GIT2: variants seen among roughly 807,000 people sequenced by gnomAD.
GIT2 encodes ARF GTPase-activating protein GIT2.
In GIT2, 32 loss-of-function variants were observed where a neutral mutation model predicts 100.3. That is an observed-to-expected ratio of 0.32 (90% CI 0.24 to 0.43). GIT2 has a LOEUF of 0.43. Ranked by LOEUF, GIT2 falls within the 20% of genes least tolerant of loss-of-function variation. GIT2 has a pLI of 1.00. For missense variants in GIT2, 737 were observed against 975.1 expected (o/e 0.76, Z 3.25); for synonymous variants, 353 against 364.1 (o/e 0.97, Z 0.35).
At chr12:109,944,350 C>T (rs543906540) in intron 16 of GIT2, among the ~76,000 whole-genome samples, 22 of 152,348 alleles carry the variant, frequency 1.4e-4, no homozygotes, top group African/African-American at 5.3e-4. Context: ...CAGCCACCTT[C>T]CTCCTCTTAC....
At chr12:109,941,198 C>T (rs762113960) in intron 16 of GIT2, among the ~76,000 whole-genome samples, 3 of 152,312 alleles carry the variant, frequency 2.0e-5, no homozygotes, top group East Asian at 1.9e-4. Flanking sequence ...ACTATGAACT[C>T]GTGCATCCTG....
chr12:109,989,145 G>T, intron 3 of GIT2, 77 bp from the exon 4 acceptor site: 4 of 908,848 alleles, frequency 4.4e-6, no homozygotes, highest in Non-Finnish European at 7.3e-6. Context: ...GTAAAAAGAA[G>T]AGGAAGTGAC....
At chr12:109,988,025 C>T (rs1241590738) in intron 4 of GIT2, among the ~76,000 whole-genome samples, 1 of 152,142 alleles carries the variant, frequency 6.6e-6, no homozygotes, top group Non-Finnish European at 1.5e-5. Flanking sequence ...AAGTCCCCTT[C>T]CTTTAGTACT....
In GIT2 at chr12:109,962,813, G is replaced by A. The variant is rs1183753271; in HGVS notation, c.817-1128C>T. Among the ~76,000 whole-genome samples the A allele has an allele frequency of 6.6e-6, 1 of 152,206 alleles. No individual in the cohort carries two copies. Among genetic ancestry groups the A allele is most frequent in the Non-Finnish European group, 1.5e-5 (1 of 68,040 alleles). ...GTGGCCAGAAAAGAGGCACTGGCTG[G>A]CCAGAAGGGATTTAATGCAGCAATT... is the stretch of plus-strand genomic sequence containing the variant. On this transcript the variant is annotated intron_variant, in intron 9 of 19. Coordinates refer to ENST00000355312, the MANE Select transcript of GIT2 (RefSeq NM_057169.5). The surrounding 1 kb of genome is among the most constrained non-coding windows in gnomAD (Gnocchi z 4.3).
chr12:109,976,593 C>CT (rs938104261), intron 7 of GIT2, among the ~76,000 whole-genome samples: 1,264 of 104,396 alleles, frequency 0.012, 9 homozygotes, highest in Middle Eastern at 0.04. Context: ...GTTTTCTTTT[C>CT]TTTTTTTTTT....
chr12:109,983,828 G>C (rs927100240), intron 4 of GIT2, 134 bp from the exon 5 acceptor site: 17 of 621,898 alleles, frequency 2.7e-5, no homozygotes, highest in East Asian at 1.7e-4. Context: ...TAAAGTGCAT[G>C]GACCAGTCTC....
intron 4 of GIT2, among the ~76,000 whole-genome samples, chr12:109,985,710 G>A (rs751137808): frequency 5.3e-5 from 8 of 152,052 alleles, no homozygotes; most frequent in South Asian, 2.1e-4. Flanking sequence ...AAAATTAGCC[G>A]GGCATGGTGG....
intron 7 of GIT2, 26 bp downstream of exon 7, chr12:109,980,926 G>A: frequency 1.4e-6 from 2 of 1,403,632 alleles, no homozygotes; most frequent in Middle Eastern, 1.8e-4. Flanking sequence ...CTGGAGATGT[G>A]AAACGGTCAT....
intron 18 of GIT2, among the ~76,000 whole-genome samples, chr12:109,936,672 A>G (rs527622196): frequency 1.3e-5 from 2 of 152,310 alleles, no homozygotes; most frequent in East Asian, 3.9e-4. Context: ...GTTCGAGACC[A>G]GCCTGGCCAA....
chr12:109,936,673 G>A (rs1426986217), intron 18 of GIT2, among the ~76,000 whole-genome samples: 1 of 152,134 alleles, frequency 6.6e-6, no homozygotes, highest in Non-Finnish European at 1.5e-5. Flanking sequence ...TTCGAGACCA[G>A]CCTGGCCAAC....
upstream of GIT2, chr12:109,998,125 G>T (rs1282562493): frequency 6.6e-6 from 1 of 152,220 alleles, no homozygotes; most frequent in Non-Finnish European, 1.5e-5. Flanking sequence ...GTTGCAAAAG[G>T]CATCTGAAAG....
Position 109,930,319 on chromosome 12 carries a change from T to G in GIT2, c.*2659A>C, listed in dbSNP as rs1871423884. The stretch of plus-strand genomic sequence containing the variant: ...GTGCCAGTTTCATAAAGTGCACCTC[T>G]GCCCTATCAGCTTTGGGGGAAGGGT... On this transcript the variant is annotated 3_prime_UTR_variant, in exon 20 of 20. Transcript: ENST00000355312. 1 of 153,002 alleles carries G rather than the reference T, an allele frequency of 6.5e-6. No homozygotes were observed. 9.5% of individuals were successfully genotyped at this position (153,002 alleles called of 1,614,324 possible).
chr12:109,999,915 G>C, upstream of GIT2: 1 of 753,364 alleles, frequency 1.3e-6, no homozygotes, highest in Non-Finnish European at 2.0e-6. This position sits in a 1 kb window ranked among gnomAD's most constrained non-coding sequence, Gnocchi z 4.3. Flanking sequence ...GCAGGTGTGG[G>C]ACAGTCCTAA....
intron 15 of GIT2, among the ~76,000 whole-genome samples, chr12:109,946,001 C>A (rs1876241186): frequency 6.6e-6 from 1 of 151,834 alleles, no homozygotes; most frequent in African/African-American, 2.4e-5. Context: ...AGGCACAGGA[C>A]CATGTGCCTG....
chr12:109,981,113 A>AGACGTCTCG, intron 6 of GIT2, 67 bp from the exon 7 acceptor site: 1 of 1,038,636 alleles, frequency 9.6e-7, no homozygotes, highest in South Asian at 1.3e-5. Flanking sequence ...TGGAGTACAA[A>AGACGTCTCG]GACGTCTCCT....
At chr12:109,979,976 G>A (rs1031481978) in intron 7 of GIT2, among the ~76,000 whole-genome samples, 2 of 152,208 alleles carry the variant, frequency 1.3e-5, no homozygotes, top group African/African-American at 2.4e-5. Context: ...CTGTTGCAAC[G>A]ACTTAACCTA....
Position 109,951,190 on chromosome 12 carries a change from C to T in GIT2, c.1369G>A (p.Glu457Lys), listed in dbSNP as rs369598585. The change falls in exon 14 of 20, where the codon GAG becomes AAG. Residue 457 changes from glutamate (E) to lysine (K), a missense_variant. By Grantham distance (56) the Glu-to-Lys change is moderately conservative. Transcript: ENST00000355312. Reference protein sequence around the residue: ...LMKVNNNLSDELRIMQKKLQT... With the variant: ...LMKVNNNLSDKLRIMQKKLQT... ...ACCTTTTTCTGCATAATTCTCAGCT[C>T]GTCACTCAAGTTGTTATTCACCTTC... The T allele has an allele frequency of 1.7e-5, 27 of 1,613,684 alleles. No homozygotes were observed. In the African/African-American group the frequency reaches 1.9e-4, roughly 11 times the overall value.
upstream of GIT2, among the ~76,000 whole-genome samples, chr12:109,996,801 G>A (rs1889496298): frequency 6.6e-6 from 1 of 152,180 alleles, no homozygotes; most frequent in African/African-American, 2.4e-5. Flanking sequence ...TTCCAGGCTG[G>A]GCGTGGTGGC....
intron 4 of GIT2, among the ~76,000 whole-genome samples, chr12:109,987,911 C>T (rs1887702448): frequency 1.3e-5 from 2 of 152,178 alleles, no homozygotes; most frequent in South Asian, 4.1e-4. Flanking sequence ...AGAAAACCAC[C>T]TCACTCGTTT....
Sources: allele counts gnomAD v4.1 joint callset (sites outside exome capture counted in the v4.1 genomes callset), GRCh38; gene constraint gnomAD v4.1.1; non-coding constraint Gnocchi (gnomAD v3.1); transcripts MANE v1.5; gene names NCBI Gene and HGNC (gene_info 2026-07-23, HGNC 2026-07-21).